Variants in ANKRD30A observed in about 807,000 individuals in gnomAD.
ANKRD30A encodes ankyrin repeat domain-containing protein 30A.
In ANKRD30A, 170 loss-of-function variants were observed where a neutral mutation model predicts 166.3. That is an observed-to-expected ratio of 1.02 (90% CI 0.90 to 1.16). ANKRD30A has a LOEUF of 1.16. Ranked by LOEUF, ANKRD30A falls within the 50% of genes most tolerant of loss-of-function variation. The pLI is 0.00. For synonymous variants in ANKRD30A, 564 were observed against 508.9 expected (o/e 1.11, Z -1.46); for missense variants, 1,630 against 1,518.0 (o/e 1.07, Z -1.23).
chr10:37,245,418 A>C, the ANKRD30A span, among the ~76,000 whole-genome samples: 1 of 151,772 alleles, frequency 6.6e-6, no homozygotes. Context: ...AAGAGGTTTT[A>C]TTTCTTTTTT....
chr10:37,214,467 T>G (rs1025072589), intron 31 of ANKRD30A, among the ~76,000 whole-genome samples: 1 of 150,886 alleles, frequency 6.6e-6, no homozygotes, highest in African/African-American at 2.4e-5. Flanking sequence ...TTCCAGATCT[T>G]CTTTGCTTTG....
At position 37,216,325 on chromosome 10, in the gene ANKRD30A, A is replaced by G. The variant is rs762029875; in HGVS notation, c.3014A>G (p.Glu1005Gly). 2 of 1,608,802 alleles carry G rather than the reference A, an allele frequency of 1.2e-6. No homozygotes were observed. The highest frequency in any genetic ancestry group is 1.7e-6 in the Non-Finnish European group (2 of 1,176,566). ...TGTGTACTGAAAAAGAAACTGTCAG[A>G]AGCAAAAGAAATAAAATCACAGTTA... ...KFCVLKKKLSEAKEIKSQLEN... is the reference protein window; with the variant it reads ...KFCVLKKKLSGAKEIKSQLEN... The change falls in exon 32 of 36, where the codon GAA (glutamate) becomes GGA (glycine). Residue 1005 changes from glutamate (E) to glycine (G), a missense_variant. Around this residue, in one of 4 missense-constraint regions of ANKRD30A, gnomAD observed 712 missense variants for 629.3 expected, o/e 1.13. Transcript: ENST00000361713.
chr10:37,233,006 A>G (rs1027820006), downstream of ANKRD30A, among the ~76,000 whole-genome samples: 4 of 151,944 alleles, frequency 2.6e-5, no homozygotes, highest in Non-Finnish European at 4.4e-5. Flanking sequence ...TACCCATTTC[A>G]ATCAATGCAC....
intron 34 of ANKRD30A, among the ~76,000 whole-genome samples, chr10:37,226,483 A>G (rs146086841): frequency 2.6e-5 from 4 of 151,900 alleles, no homozygotes; most frequent in African/African-American, 7.2e-5. Flanking sequence ...ATGCTATAGC[A>G]TAACATTTTC....
intron 24 of ANKRD30A, among the ~76,000 whole-genome samples, chr10:37,178,131 A>T (rs1174888720): frequency 1.3e-5 from 2 of 151,314 alleles, no homozygotes; most frequent in Non-Finnish European, 3.0e-5. Flanking sequence ...ATTGTTTAGG[A>T]AAAGATCGGG....
At chr10:37,243,099 T>A in the ANKRD30A span, among the ~76,000 whole-genome samples, 1 of 152,082 alleles carries the variant, frequency 6.6e-6, no homozygotes, top group East Asian at 1.9e-4. Context: ...ATTTGGTTCA[T>A]CTACAGTTTT....
chr10:37,201,182 T>C, intron 30 of ANKRD30A, 53 bp from the exon 31 acceptor site: 9 of 1,366,720 alleles, frequency 6.6e-6, no homozygotes, highest in Non-Finnish European at 4.0e-6. Context: ...TTTGATAATC[T>C]TCATTATTAG....
rs141955808 is a variant in ANKRD30A, at chr10:37,227,814, T to A, written c.4186-3647T>A. On this transcript the variant is annotated intron_variant, in intron 34 of 35. Coordinates refer to ENST00000361713, the MANE Select transcript of ANKRD30A (RefSeq NM_052997.3). ...ACAGTCTACTATTTCATGCATTAGG[T>A]TCTATTAACTCATTGTAATTTGTAC... Among the ~76,000 whole-genome samples the A allele has an allele frequency of 3.9e-5, 6 of 152,128 alleles. No individual in the cohort carries two copies. In the East Asian group the frequency reaches 1.2e-3, roughly 30 times the overall value.
chr10:37,196,489 A>C lies in ANKRD30A; in HGVS notation c.2615-792A>C, dbSNP rs575719022. On this transcript the variant is annotated intron_variant, in intron 27 of 35. Transcript: ENST00000361713. ...TTATTATAGACTAATGATACACTGA[A>C]CCAGACGAATTGTAGGAACTGTAAA... Among the ~76,000 whole-genome samples the C allele has an allele frequency of 1.4e-3, 218 of 152,272 alleles. 2 individuals carry two copies. The highest frequency in any genetic ancestry group is 2.0e-3 in the Non-Finnish European group (134 of 68,018).
chr10:37,202,735 T>C (rs1054478866), intron 31 of ANKRD30A, among the ~76,000 whole-genome samples: 2 of 151,932 alleles, frequency 1.3e-5, no homozygotes, highest in Admixed American at 6.6e-5. Context: ...TATGATAGAC[T>C]GCTAGCAAGA....
At chr10:37,127,994 A>G (rs192439781) in intron 1 of ANKRD30A, among the ~76,000 whole-genome samples, 1 of 152,256 alleles carries the variant, frequency 6.6e-6, no homozygotes, top group East Asian at 1.9e-4. Flanking sequence ...GAATCCATTT[A>G]ATGGCTTTTA....
chr10:37,198,086 G>A (rs1245878523), intron 29 of ANKRD30A, among the ~76,000 whole-genome samples: 1 of 152,076 alleles, frequency 6.6e-6, no homozygotes, highest in Non-Finnish European at 1.5e-5. Context: ...TCATGAAACT[G>A]TGATTCTGAA....
the ANKRD30A span, among the ~76,000 whole-genome samples, chr10:37,259,840 C>T: frequency 6.6e-6 from 1 of 152,098 alleles, no homozygotes; most frequent in Non-Finnish European, 1.5e-5. Flanking sequence ...GAGAGTATTG[C>T]AGAGGGGGCT....
At chr10:37,258,151 T>C in the ANKRD30A span, among the ~76,000 whole-genome samples, 3 of 152,206 alleles carry the variant, frequency 2.0e-5, no homozygotes, top group Non-Finnish European at 4.4e-5. Context: ...AGGATATAAG[T>C]ATCATGTACA....
rs879241052 is a variant in ANKRD30A, at chr10:37,217,730, A to T, written c.3119A>T (p.Asn1040Ile). The change falls in exon 33 of 36, where the codon AAT (asparagine) becomes ATT (isoleucine). Residue 1040 changes from asparagine (N) to isoleucine (I), a missense_variant. Physicochemically the swap from Asn to Ile is moderately radical, Grantham distance 149 (BLOSUM62 -3). Coordinates refer to ENST00000361713, the MANE Select transcript of ANKRD30A (RefSeq NM_052997.3). Reference protein sequence around the residue: ...TLNQEEEKRRNADILNEKIRE... With the variant: ...TLNQEEEKRRIADILNEKIRE... ...AACCAAGAAGAAGAGAAGAGAAGAA[A>T]TGCCGATATATTAAATGAAAAAATT... 2 of 1,589,182 alleles carry T rather than the reference A, an allele frequency of 1.3e-6. No individual in the cohort carries two copies. The highest frequency in any genetic ancestry group is 2.7e-5 in the African/African-American group (2 of 73,034).
chr10:37,238,692 T>G, the ANKRD30A span, among the ~76,000 whole-genome samples: 4 of 152,174 alleles, frequency 2.6e-5, no homozygotes, highest in East Asian at 7.7e-4. Flanking sequence ...AATTAAATAT[T>G]TAGAACAAGA....
At chr10:37,203,324 G>A (rs1305062032) in intron 31 of ANKRD30A, among the ~76,000 whole-genome samples, 1 of 152,030 alleles carries the variant, frequency 6.6e-6, no homozygotes, top group African/African-American at 2.4e-5. Context: ...TGCAAGGCTG[G>A]TTCAAGATAT....
At chr10:37,164,658 T>A (rs1185167704) in intron 17 of ANKRD30A, among the ~76,000 whole-genome samples, 4 of 152,154 alleles carry the variant, frequency 2.6e-5, no homozygotes, top group Non-Finnish European at 5.9e-5. Flanking sequence ...TCTTATTCAT[T>A]GATAAATCAT....
intron 31 of ANKRD30A, among the ~76,000 whole-genome samples, chr10:37,203,135 T>C (rs1385652275): frequency 6.6e-6 from 1 of 152,174 alleles, no homozygotes; most frequent in Non-Finnish European, 1.5e-5. Flanking sequence ...ACTCATTTTA[T>C]GAGGCCAGCA....
Sources: gnomAD v4.1 joint callset for allele counts (sites outside exome capture counted in the v4.1 genomes callset) on GRCh38, gnomAD v4.1.1 for gene constraint, gnomAD v4.1.1 regional missense constraint, MANE v1.5 for transcripts, NCBI Gene and HGNC (gene_info 2026-07-23, HGNC 2026-07-21) for gene names.